Variants in SLC49A3 observed in about 807,000 individuals in gnomAD.
SLC49A3 encodes solute carrier family 49 member A3.
In SLC49A3, 50 loss-of-function variants were observed where a neutral mutation model predicts 43.8. The ratio of observed to expected loss-of-function variants is 1.14; its 90% CI spans 0.91 to 1.45. The LOEUF (loss-of-function observed/expected upper bound fraction) is 1.45, where lower values mean the gene tolerates loss of function less well. Ranked by LOEUF, SLC49A3 falls within the 40% of genes most tolerant of loss-of-function variation. SLC49A3 has a pLI of 0.00. For missense variants in SLC49A3, 906 were observed against 774.1 expected (o/e 1.17, Z -2.02); for synonymous variants, 413 against 352.0 (o/e 1.17, Z -1.94).
At chr4:676,931 A>G (rs1365786938), downstream of SLC49A3, 1 of 985,336 alleles carries the variant, frequency 1.0e-6, no homozygotes, top group East Asian at 1.1e-4. Context: ...GGCACCAGGC[A>G]GCATCTCAGG....
chr4:690,386 C>A (rs1439888282), upstream of SLC49A3, among the ~76,000 whole-genome samples: 1 of 152,070 alleles, frequency 6.6e-6, no homozygotes, highest in Non-Finnish European at 1.5e-5. Context: ...CTAGCCTCCC[C>A]CCTCATCTTT....
chr4:682,702 T>G, intron 9 of SLC49A3, 79 bp downstream of exon 9: 2 of 1,215,378 alleles, frequency 1.6e-6, no homozygotes, highest in South Asian at 3.2e-5. Flanking sequence ...CACGTAGGGT[T>G]CACCTGTCCC....
At position 683,750 on chromosome 4, in the gene SLC49A3, G is replaced by C; in HGVS notation, c.852C>G (p.Gly284=). The stretch of plus-strand genomic sequence containing the variant: ...ACGTGATGAAGAGAGCGCCACAGAG[G>C]CCGGAAAACCCCTGGAGGAGGCGAG... ...CASGHSSGFS[G]LCGALFITFG... The change falls in exon 7 of 10, where the codon GGC becomes GGG. Residue 284 remains glycine (G), a synonymous_variant. Coordinates refer to ENST00000322224, the MANE Select transcript of SLC49A3 (RefSeq NM_032219.4). 1 of 1,568,078 alleles carries C rather than the reference G, an allele frequency of 6.4e-7. No homozygotes were observed. Among genetic ancestry groups the C allele is most frequent in the Non-Finnish European group, 8.6e-7 (1 of 1,156,134 alleles).
Position 686,186 on chromosome 4 carries a change from G to A in SLC49A3, c.411C>T (p.Ala137=). The change falls in exon 3 of 10, where the codon GCC becomes GCT. Residue 137 remains alanine (A), a synonymous_variant. Transcript: ENST00000322224. ...AGAAGATGACCAGGCTCTGGGCAAG[G>A]GCACAGAGGCTCTGGCCACCCATGA... is the stretch of plus-strand genomic sequence containing the variant. The part of the protein sequence containing the change: ...AFLMGGQSLC[A]LAQSLVIFSP... The A allele has an allele frequency of 1.9e-6, 3 of 1,613,514 alleles. No individual in the cohort carries two copies. The highest frequency in any genetic ancestry group is 2.5e-6 in the Non-Finnish European group (3 of 1,180,010).
downstream of SLC49A3, chr4:680,602 G>A (rs774896085): frequency 5.2e-5 from 83 of 1,611,540 alleles, no homozygotes; most frequent in Non-Finnish European, 6.4e-5. Flanking sequence ...GTGCCCGGGC[G>A]GCCAGGGCGG....
Position 685,525 on chromosome 4 carries a change from C to T in SLC49A3, c.585+310G>A, listed in dbSNP as rs1244802989. Among the ~76,000 whole-genome samples, 1 of 151,900 alleles carries T rather than the reference C, an allele frequency of 6.6e-6. No individual in the cohort carries two copies. The highest frequency in any genetic ancestry group is 2.4e-5 in the African/African-American group (1 of 41,322). Reference sequence around the variant, plus strand: ...CCAGCCTGGCCAACATGGTGAAACCCCAACTCTACCAAAAATACAAAAAAA... The same window carrying T: ...CCAGCCTGGCCAACATGGTGAAACCTCAACTCTACCAAAAATACAAAAAAA... On this transcript the variant is annotated intron_variant, in intron 4 of 9. Coordinates refer to ENST00000322224, the MANE Select transcript of SLC49A3 (RefSeq NM_032219.4). This position sits in a 1 kb window ranked among gnomAD's most constrained non-coding sequence, Gnocchi z 4.3.
At chr4:689,927 C>T (rs1741735743), upstream of SLC49A3, among the ~76,000 whole-genome samples, 1 of 152,250 alleles carries the variant, frequency 6.6e-6, no homozygotes, top group South Asian at 2.1e-4. Flanking sequence ...CCAAGAGGCT[C>T]CAGGCCCTGT....
intron 1 of SLC49A3, among the ~76,000 whole-genome samples, chr4:688,602 G>T (rs1577375385): frequency 6.6e-6 from 1 of 152,192 alleles, no homozygotes; most frequent in East Asian, 1.9e-4. Context: ...AGAGTCAGGT[G>T]GAGGGGAGGG....
Position 682,786 on chromosome 4 carries a change from C to A in SLC49A3, c.1256G>T (p.Trp419Leu). ...TCQQGEDPLD[W>L]TVSLLLMAGL... Reference sequence around the variant, plus strand: ...ACTCCCCATGTGAGGCTCACCTGTCCAGTCAAGTGGATCCTCCCCCTGCTG... The same window carrying A: ...ACTCCCCATGTGAGGCTCACCTGTCAAGTCAAGTGGATCCTCCCCCTGCTG... The change falls in exon 9 of 10, where the codon TGG becomes TTG. Residue 419 changes from tryptophan (W) to leucine (L), a missense_variant. Trp to Leu is a moderately conservative substitution (Grantham distance 61, BLOSUM62 -2). Coordinates refer to ENST00000322224, the MANE Select transcript of SLC49A3 (RefSeq NM_032219.4). 1 of 1,582,830 alleles carries A rather than the reference C, an allele frequency of 6.3e-7. No individual in the cohort carries two copies. The highest frequency in any genetic ancestry group is 2.3e-5 in the East Asian group (1 of 43,884).
downstream of SLC49A3, chr4:678,000 G>C (rs1739016422): frequency 6.2e-7 from 1 of 1,613,418 alleles, no homozygotes; most frequent in African/African-American, 1.3e-5. Flanking sequence ...GCCCTGGGCA[G>C]ACGCATCAAA....
downstream of SLC49A3, among the ~76,000 whole-genome samples, chr4:677,673 C>T (rs1009189065): frequency 2.6e-5 from 4 of 152,174 alleles, no homozygotes; most frequent in Non-Finnish European, 5.9e-5. Context: ...CCTGCAGTTC[C>T]AGGGTGCCCA....
Position 682,088 on chromosome 4 carries a change from CG to C in SLC49A3, c.1549del (p.Arg517ValfsTer41). 4 of 1,393,898 alleles carry C rather than the reference CG, an allele frequency of 2.9e-6. No homozygotes were observed. Among genetic ancestry groups the C allele is most frequent in the South Asian group, 1.7e-5 (1 of 60,242 alleles). The allele number at this position is 1,393,898 out of a possible 1,614,324, so 86.3% of individuals were successfully genotyped here. ...GTCGGTGGCTGCTGGGCCTTGCGCA[CG>C]GGGAGTCGCTCGGTGGCAGGCTGGG... ...PHPACHRATP[R>X]AQGPAATDAP... On this transcript the variant is annotated frameshift_variant, in exon 10 of 10. Transcript: ENST00000322224. LOFTEE classifies it low-confidence loss of function (END_TRUNC).
At chr4:681,634 AGCGCCGCCCCGCCCCCTCCAGCGCC>A (rs1739592245), downstream of SLC49A3, among the ~76,000 whole-genome samples, 1 of 2,136 alleles carries the variant, frequency 4.7e-4, no homozygotes, top group African/African-American at 2.2e-3. Flanking sequence ...CGCCCCCTCC[AGCGCCGCCCCGCCCCCTCCAGCGCC>A]GCCCCGCCCC....
chr4:678,492 C>T, downstream of SLC49A3: 1 of 1,440,154 alleles, frequency 6.9e-7, no homozygotes. Context: ...CCCCCAACCC[C>T]AGCTACCCAG....
At position 682,009 on chromosome 4, in the gene SLC49A3, A is replaced by G; in HGVS notation, c.1629T>C (p.Ile543=). The G allele has an allele frequency of 7.0e-7, 1 of 1,426,090 alleles. No individual in the cohort carries two copies. The highest frequency in any genetic ancestry group is 2.5e-5 in the Admixed American group (1 of 39,292). The allele number at this position is 1,426,090 out of a possible 1,614,324, so 88.3% of individuals were successfully genotyped here. ...LAGRVQASRF[I]DPAGSHSSFS... ...AGGAGGAGTGAGACCCAGCCGGGTC[A>G]ATAAACCTGGACGCTTGGACCCTGC... is the stretch of plus-strand genomic sequence containing the variant. The change falls in exon 10 of 10, where the codon ATT becomes ATC. Residue 543 remains isoleucine, a synonymous_variant. Coordinates refer to ENST00000322224, the MANE Select transcript of SLC49A3 (RefSeq NM_032219.4).
chr4:681,856 C>A lies in SLC49A3; in HGVS notation c.*102G>T. On this transcript the variant is annotated 3_prime_UTR_variant, in exon 10 of 10. Transcript: ENST00000322224. ...CAGGTGCGCGCTTGTAATTCGCTCC[C>A]GGAGCCCGCAAGGAGCCCTTTCGCC... is the stretch of plus-strand genomic sequence containing the variant. 7.7e-7 allele frequency: 1 copy of A among 1,305,598 alleles called. No individual in the cohort carries two copies. The highest frequency in any genetic ancestry group is 3.1e-5 in the South Asian group (1 of 32,162). 80.9% of individuals were successfully genotyped at this position (1,305,598 alleles called of 1,614,324 possible).
chr4:677,166 G>A (rs1243781099), downstream of SLC49A3, among the ~76,000 whole-genome samples: 2 of 152,194 alleles, frequency 1.3e-5, no homozygotes, highest in African/African-American at 4.8e-5. Flanking sequence ...CAGGCCTGGG[G>A]GGCTCCAAAA....
At chr4:680,764 A>C, downstream of SLC49A3, 2 of 691,806 alleles carry the variant, frequency 2.9e-6, no homozygotes, top group Non-Finnish European at 4.8e-6. Flanking sequence ...AGCCCTGCTC[A>C]CACAGGGACC....
At chr4:676,834 G>T, downstream of SLC49A3, 1 of 971,652 alleles carries the variant, frequency 1.0e-6, no homozygotes. Flanking sequence ...CTTGCAGTCG[G>T]CCCCAGGTCC....
Sources: gnomAD v4.1 joint callset for allele counts (sites outside exome capture counted in the v4.1 genomes callset) on GRCh38, gnomAD v4.1.1 for gene constraint, Gnocchi (gnomAD v3.1) non-coding constraint, MANE v1.5 for transcripts, NCBI Gene and HGNC (gene_info 2026-07-23, HGNC 2026-07-21) for gene names.